Variants in ROR1 observed in about 807,000 individuals in gnomAD.
ROR1 encodes the protein ROR family WNT receptor 1.
A neutral mutation model predicts 78.8 loss-of-function variants in ROR1; 19 were observed. The observed-to-expected ratio is 0.24, with a 90% confidence interval of 0.17 to 0.35. ROR1 has a LOEUF of 0.35. ROR1 is among the 10% of genes least tolerant of loss of function. The pLI is 1.00. For missense variants in ROR1, 917 were observed against 1,177.8 expected, an observed-to-expected ratio of 0.78 and a Z score of 3.24; for synonymous variants, 386 against 433.6, an observed-to-expected ratio of 0.89 and a Z score of 1.36.
chr1:63,949,333 C>T (rs543581940), intron 1 of ROR1, among the ~76,000 whole-genome samples: 5 of 152,156 alleles, frequency 3.3e-5, no homozygotes, highest in Admixed American at 3.3e-4. Flanking sequence ...TCCCCACCCC[C>T]CAGAGAAGGA....
intron 4 of ROR1, among the ~76,000 whole-genome samples, chr1:64,099,934 A>G (rs1356489101): frequency 6.6e-6 from 1 of 152,140 alleles, no homozygotes; most frequent in Non-Finnish European, 1.5e-5. Context: ...GCGTGCCTGT[A>G]GTCCCAGCTA....
At chr1:63,943,184 A>G (rs1260032073) in intron 1 of ROR1, among the ~76,000 whole-genome samples, 1 of 151,862 alleles carries the variant, frequency 6.6e-6, no homozygotes, top group Non-Finnish European at 1.5e-5. Flanking sequence ...AGGTACACAG[A>G]TGACACCTCC....
chr1:63,852,476 G>T (rs923387499), intron 1 of ROR1, among the ~76,000 whole-genome samples: 9 of 152,110 alleles, frequency 5.9e-5, no homozygotes, highest in Non-Finnish European at 1.2e-4. Context: ...TCCCCTCTTC[G>T]GTCTGTCATC....
intron 1 of ROR1, among the ~76,000 whole-genome samples, chr1:63,825,660 A>G (rs1644948850): frequency 6.6e-6 from 1 of 152,256 alleles, no homozygotes; most frequent in Non-Finnish European, 1.5e-5. Flanking sequence ...GGTGAATGTT[A>G]TGTGAATTAT....
At chr1:63,869,368 T>G (rs1440538264) in intron 1 of ROR1, among the ~76,000 whole-genome samples, 1 of 152,230 alleles carries the variant, frequency 6.6e-6, no homozygotes, top group Non-Finnish European at 1.5e-5. Context: ...CCTTCCACAC[T>G]GGCCTGCAGC....
chr1:63,851,129 G>A (rs1645111321), intron 1 of ROR1, among the ~76,000 whole-genome samples: 1 of 152,100 alleles, frequency 6.6e-6, no homozygotes, highest in Non-Finnish European at 1.5e-5. Flanking sequence ...ATAGGCGTGT[G>A]CCACCACGCC....
At chr1:63,865,939 C>A (rs773878003) in intron 1 of ROR1, among the ~76,000 whole-genome samples, 1 of 152,058 alleles carries the variant, frequency 6.6e-6, no homozygotes, top group Non-Finnish European at 1.5e-5. Flanking sequence ...TGAAATGTGG[C>A]AAGTCTGGTG....
At chr1:64,172,468 C>T (rs1650267672) in intron 8 of ROR1, among the ~76,000 whole-genome samples, 1 of 152,042 alleles carries the variant, frequency 6.6e-6, no homozygotes, top group African/African-American at 2.4e-5. Context: ...AAAATGTTAA[C>T]ATTGAAACTG....
intron 1 of ROR1, among the ~76,000 whole-genome samples, chr1:63,778,174 A>G (rs371292373): frequency 1.3e-5 from 2 of 152,348 alleles, no homozygotes; most frequent in Admixed American, 6.5e-5. Context: ...GAGGTCATGC[A>G]TGTAAAGTAC....
chr1:64,060,015 A>G (rs1431322298), intron 4 of ROR1, among the ~76,000 whole-genome samples: 2 of 151,766 alleles, frequency 1.3e-5, no homozygotes, highest in Non-Finnish European at 2.9e-5. Flanking sequence ...TTTTTCCTAT[A>G]TATCCACTCC....
intron 1 of ROR1, among the ~76,000 whole-genome samples, chr1:63,884,928 C>T (rs1326415442): frequency 6.6e-6 from 1 of 151,702 alleles, no homozygotes; most frequent in African/African-American, 2.4e-5. Context: ...GGCTCTGGAA[C>T]CAGACTGCCT....
chr1:63,920,966 C>T (rs1413617625), intron 1 of ROR1, among the ~76,000 whole-genome samples: 1 of 152,110 alleles, frequency 6.6e-6, no homozygotes, highest in Non-Finnish European at 1.5e-5. Flanking sequence ...CTTTACATGT[C>T]CAAATTCATT....
At chr1:64,142,755 A>G in intron 7 of ROR1, 105 bp downstream of exon 7, 3 of 1,512,016 alleles carry the variant, frequency 2.0e-6, no homozygotes, top group Non-Finnish European at 2.6e-6. Flanking sequence ...GAAAATGGAC[A>G]GTATTTGCTT....
chr1:63,903,527 A>C (rs1645502500), intron 1 of ROR1, among the ~76,000 whole-genome samples: 1 of 152,026 alleles, frequency 6.6e-6, no homozygotes, highest in African/African-American at 2.4e-5. Context: ...AATGATACAA[A>C]AAGAAATACT....
chr1:63,887,086 A>G (rs1008336877), intron 1 of ROR1, among the ~76,000 whole-genome samples: 7 of 152,172 alleles, frequency 4.6e-5, no homozygotes, highest in Non-Finnish European at 7.3e-5. Flanking sequence ...ACCATGGCCT[A>G]TGTGGGTGGC....
chr1:64,075,751 T>G (rs1465937515), intron 4 of ROR1, among the ~76,000 whole-genome samples: 1 of 152,194 alleles, frequency 6.6e-6, no homozygotes, highest in Non-Finnish European at 1.5e-5. Flanking sequence ...TTTAAAAACA[T>G]GTATAAGTAA....
At chr1:64,062,485 G>GCCCGGCCTGCGTTTT (rs1646925094) in intron 4 of ROR1, among the ~76,000 whole-genome samples, 1 of 152,032 alleles carries the variant, frequency 6.6e-6, no homozygotes. Flanking sequence ...CTAATTTTTT[G>GCCCGGCCTGCGTTTT]TATTTTTAGT....
At chr1:64,132,760 CAAAAAAA>C (rs749607703) in intron 4 of ROR1, among the ~76,000 whole-genome samples, 10 of 70,456 alleles carry the variant, frequency 1.4e-4, no homozygotes, top group African/African-American at 4.3e-4. Context: ...GACTCCATCT[CAAAAAAA>C]AAAAAAAAAA....
At chr1:63,803,664 G>A (rs1644809697) in intron 1 of ROR1, among the ~76,000 whole-genome samples, 1 of 152,190 alleles carries the variant, frequency 6.6e-6, no homozygotes, top group Admixed American at 6.5e-5. Flanking sequence ...TTTAAAAAAG[G>A]TTTGACATAT....
Sources: allele counts gnomAD v4.1 joint callset (sites outside exome capture counted in the v4.1 genomes callset), GRCh38; gene constraint gnomAD v4.1.1; transcripts MANE v1.5; gene names NCBI Gene and HGNC (gene_info 2026-07-23, HGNC 2026-07-21).